Variants in PRKCE observed in about 807,000 individuals in gnomAD.
PRKCE encodes protein kinase C epsilon.
A neutral mutation model predicts 85.4 loss-of-function variants in PRKCE; 16 were observed. That is an observed-to-expected ratio of 0.19 (90% CI 0.13 to 0.28). The LOEUF (loss-of-function observed/expected upper bound fraction) is 0.28. Among genes scored for constraint, PRKCE ranks in the 10% least tolerant of loss-of-function variants. PRKCE has a pLI of 1.00. For synonymous variants in PRKCE, 388 were observed against 371.5 expected, an observed-to-expected ratio of 1.04 and a Z score of -0.51; for missense variants, 573 against 975.2, an observed-to-expected ratio of 0.59 and a Z score of 5.49.
At chr2:45,879,677 C>T (rs1307398647) in intron 2 of PRKCE, among the ~76,000 whole-genome samples, 1 of 152,202 alleles carries the variant, frequency 6.6e-6, no homozygotes, top group Non-Finnish European at 1.5e-5. Context: ...CTGCCTGCTC[C>T]CCCTCCCACG....
At chr2:45,816,903 G>C (rs565910294) in intron 1 of PRKCE, among the ~76,000 whole-genome samples, 1 of 152,276 alleles carries the variant, frequency 6.6e-6, no homozygotes, top group East Asian at 1.9e-4. Flanking sequence ...CCCCCTGCTC[G>C]GGGGTTTTGT....
chr2:46,120,574 G>A (rs1673211772), intron 11 of PRKCE, among the ~76,000 whole-genome samples: 2 of 152,160 alleles, frequency 1.3e-5, no homozygotes, highest in Non-Finnish European at 2.9e-5. Context: ...ATTTTGCCAT[G>A]GTGTTTAGGT....
intron 1 of PRKCE, among the ~76,000 whole-genome samples, chr2:45,719,025 A>G (rs992633262): frequency 1.3e-5 from 2 of 152,262 alleles, no homozygotes; most frequent in African/African-American, 4.8e-5. Context: ...GGCCAAATTT[A>G]TTAAAACTTG....
At chr2:45,918,582 G>T (rs759745743) in intron 2 of PRKCE, among the ~76,000 whole-genome samples, 4 of 152,090 alleles carry the variant, frequency 2.6e-5, no homozygotes, top group Non-Finnish European at 5.9e-5. Flanking sequence ...CCATTTTTCG[G>T]TTTCTATAGT....
intron 2 of PRKCE, among the ~76,000 whole-genome samples, chr2:45,955,965 A>G (rs1700949711): frequency 6.6e-6 from 1 of 152,212 alleles, no homozygotes; most frequent in Admixed American, 6.5e-5. Context: ...TTCATAGTCA[A>G]GCCCTTTGCT....
chr2:46,182,795 A>C (rs1004242304), intron 14 of PRKCE, among the ~76,000 whole-genome samples: 1 of 152,174 alleles, frequency 6.6e-6, no homozygotes, highest in African/African-American at 2.4e-5. Context: ...GTCTCCACCC[A>C]TGCTTGCCTA....
intron 10 of PRKCE, among the ~76,000 whole-genome samples, chr2:46,058,827 C>G (rs967188770): frequency 6.6e-6 from 1 of 152,186 alleles, no homozygotes; most frequent in Non-Finnish European, 1.5e-5. Flanking sequence ...TCCTAAGGAA[C>G]TGGGACCACA....
At chr2:45,929,090 G>C (rs555308922) in intron 2 of PRKCE, among the ~76,000 whole-genome samples, 1 of 152,010 alleles carries the variant, frequency 6.6e-6, no homozygotes, top group African/African-American at 2.4e-5. Flanking sequence ...ACTTCATCTC[G>C]AGAGCTCTCT....
intron 2 of PRKCE, 101 bp downstream of exon 2, chr2:45,843,164 T>C: frequency 9.7e-7 from 1 of 1,027,886 alleles, no homozygotes; most frequent in Non-Finnish European, 1.5e-6. Flanking sequence ...ATAGTGACAT[T>C]TAATTAATTG....
chr2:45,680,867 G>T (rs757533182), intron 1 of PRKCE, among the ~76,000 whole-genome samples: 1 of 152,162 alleles, frequency 6.6e-6, no homozygotes, highest in Non-Finnish European at 1.5e-5. Flanking sequence ...TCTTATACAG[G>T]ATATTTGCTC....
rs1234253757 is a variant in PRKCE at position 46,068,641 on chromosome 2, C to T, written c.1438-17567C>T. On this transcript the variant is annotated intron_variant, in intron 10 of 14. Transcript: ENST00000306156. The surrounding 1 kb of genome is among the most constrained non-coding windows in gnomAD (Gnocchi z 4.3). The stretch of plus-strand genomic sequence containing the variant: ...CATCAGATGTGTAGTTTAAGGATTG[C>T]CGTGAATTCAGAAGCAGAAGAATTC... 1.3e-5 allele frequency among the ~76,000 whole-genome samples: 2 copies of T among 152,140 alleles called. No homozygotes were observed. The highest frequency in any genetic ancestry group is 3.8e-4 in the East Asian group (2 of 5,200).
At chr2:46,027,788 T>C (rs1707225287) in intron 10 of PRKCE, among the ~76,000 whole-genome samples, 1 of 152,202 alleles carries the variant, frequency 6.6e-6, no homozygotes, top group Non-Finnish European at 1.5e-5. Context: ...ACTGGTCCCA[T>C]GGCCTATTTA....
intron 1 of PRKCE, among the ~76,000 whole-genome samples, chr2:45,769,870 G>A (rs1685178283): frequency 6.6e-6 from 1 of 152,216 alleles, no homozygotes; most frequent in South Asian, 2.1e-4. Context: ...GGAGGTGTGA[G>A]GAGGAACCCT....
chr2:45,684,593 T>A (rs996312258), intron 1 of PRKCE, among the ~76,000 whole-genome samples: 1 of 152,230 alleles, frequency 6.6e-6, no homozygotes, highest in African/African-American at 2.4e-5. Flanking sequence ...CAATATTGAT[T>A]TTACAACCCC....
At chr2:46,038,700 C>G (rs1451543358) in intron 10 of PRKCE, among the ~76,000 whole-genome samples, 2 of 141,644 alleles carry the variant, frequency 1.4e-5, no homozygotes, top group Non-Finnish European at 3.1e-5. Flanking sequence ...CACACACACA[C>G]ACATTTTCCA....
intron 10 of PRKCE, among the ~76,000 whole-genome samples, chr2:46,023,409 A>C (rs1327398632): frequency 1.3e-5 from 2 of 152,246 alleles, no homozygotes; most frequent in African/African-American, 4.8e-5. Context: ...GCAAGAAATG[A>C]CTGACAGCCA....
At chr2:46,043,556 A>G (rs2105017867) in intron 10 of PRKCE, among the ~76,000 whole-genome samples, 1 of 152,364 alleles carries the variant, frequency 6.6e-6, no homozygotes, top group South Asian at 2.1e-4. Flanking sequence ...GGTAAGTAAT[A>G]GAAACATCCA....
At chr2:45,702,160 G>T (rs916474235) in intron 1 of PRKCE, among the ~76,000 whole-genome samples, 1 of 152,254 alleles carries the variant, frequency 6.6e-6, no homozygotes, top group Non-Finnish European at 1.5e-5. Flanking sequence ...CTGCACTCCA[G>T]CCTGGGTGAC....
At chr2:45,751,747 G>GA in intron 1 of PRKCE, among the ~76,000 whole-genome samples, 1 of 149,198 alleles carries the variant, frequency 6.7e-6, no homozygotes, top group South Asian at 2.1e-4. Context: ...AAAATAAAAT[G>GA]AAAATTTCCC....
Sources: allele counts gnomAD v4.1 joint callset (sites outside exome capture counted in the v4.1 genomes callset), GRCh38; gene constraint gnomAD v4.1.1; non-coding constraint Gnocchi (gnomAD v3.1); transcripts MANE v1.5; gene names NCBI Gene and HGNC (gene_info 2026-07-23, HGNC 2026-07-21).